ALKBH1: variants seen among roughly 807,000 people sequenced by gnomAD.
ALKBH1 encodes the protein nucleic acid dioxygenase ALKBH1.
A neutral mutation model predicts 36.6 loss-of-function variants in ALKBH1; 31 were observed. The observed-to-expected ratio is 0.85, with a 90% CI of 0.64 to 1.14. The LOEUF is 1.14. Ranked by LOEUF, ALKBH1 falls within the 50% of genes most tolerant of loss-of-function variation. ALKBH1 has a pLI of 0.00. For synonymous variants in ALKBH1, 183 were observed against 186.6 expected (o/e 0.98, Z 0.16); for missense variants, 490 against 497.3 (o/e 0.99, Z 0.14).
chr14:77,680,675 C>CTCTG (rs1555383642), intron 3 of ALKBH1, among the ~76,000 whole-genome samples: 4 of 56,076 alleles, frequency 7.1e-5, no homozygotes, highest in African/African-American at 3.4e-4. Flanking sequence ...TGATTAACTA[C>CTCTG]TCTTTTTTTT....
At chr14:77,684,505 G>A (rs1281426687) in intron 3 of ALKBH1, among the ~76,000 whole-genome samples, 3 of 152,040 alleles carry the variant, frequency 2.0e-5, no homozygotes, top group Admixed American at 6.6e-5. Flanking sequence ...TGGATTACAG[G>A]CATGCACCAC....
chr14:77,674,970 A>G (rs1280956884), intron 5 of ALKBH1, among the ~76,000 whole-genome samples: 1 of 152,132 alleles, frequency 6.6e-6, no homozygotes, highest in Admixed American at 6.6e-5. Flanking sequence ...GCAGGTGCAA[A>G]ACTTGGCACA....
chr14:77,705,308 G>A (rs901960609), intron 1 of ALKBH1, among the ~76,000 whole-genome samples: 4 of 151,442 alleles, frequency 2.6e-5, no homozygotes, highest in Admixed American at 2.0e-4. Flanking sequence ...AGCTACGAGA[G>A]GCTGGGGCAC....
chr14:77,693,206 C>CA lies in ALKBH1; in HGVS notation c.455+1531dup, dbSNP rs59132199. Among the ~76,000 whole-genome samples the CA allele has an allele frequency of 7.9e-3, 999 of 126,748 alleles. 16 individuals are homozygous for CA. Among genetic ancestry groups the CA allele is most frequent in the African/African-American group, 0.028 (934 of 33,702 alleles). 83.2% of individuals were successfully genotyped at this position (126,748 alleles called of 152,430 possible). On this transcript the variant is annotated intron_variant, in intron 3 of 5. Transcript: ENST00000216489. ...GGGCAACAAGAGCGAAACTCCGTCTCAAAAAAAAAAAAAAAAAATTTTTTT... is the reference window on the plus strand; with the variant it reads ...GGGCAACAAGAGCGAAACTCCGTCTCAAAAAAAAAAAAAAAAAAATTTTTTT...
chr14:77,696,245 G>A lies in ALKBH1; in HGVS notation c.293-1345C>T, dbSNP rs187906091. Among the ~76,000 whole-genome samples, 279 of 152,232 alleles carry A rather than the reference G, an allele frequency of 1.8e-3. 1 individual carries two copies. Among genetic ancestry groups the A allele is most frequent in the African/African-American group, 6.4e-3 (264 of 41,546 alleles). The stretch of plus-strand genomic sequence containing the variant: ...ATCCTGTTGCCCAGGCTGGAGAACA[G>A]TGGTGTGATCCTGCTTCTCTGCAAC... On this transcript the variant is annotated intron_variant, in intron 2 of 5. Transcript: ENST00000216489.
intron 3 of ALKBH1, chr14:77,691,931 A>G (rs1486098221): frequency 2.0e-5 from 3 of 152,204 alleles, no homozygotes; most frequent in African/African-American, 7.2e-5. Flanking sequence ...AGAAGACACT[A>G]CTAAAAGCTC....
intron 1 of ALKBH1, among the ~76,000 whole-genome samples, chr14:77,706,375 A>G (rs1432842667): frequency 1.3e-5 from 2 of 152,204 alleles, no homozygotes; most frequent in Admixed American, 6.5e-5. Context: ...ACACACTCTC[A>G]GAGGTGATGT....
At chr14:77,677,439 G>C (rs2139843659) in intron 4 of ALKBH1, among the ~76,000 whole-genome samples, 1 of 152,278 alleles carries the variant, frequency 6.6e-6, no homozygotes, top group African/African-American at 2.4e-5. Flanking sequence ...TGAATCTGAG[G>C]GCTATTTGGG....
intron 1 of ALKBH1, among the ~76,000 whole-genome samples, chr14:77,704,947 C>T (rs941091858): frequency 6.6e-6 from 1 of 152,204 alleles, no homozygotes; most frequent in African/African-American, 2.4e-5. Context: ...TGACATCATA[C>T]CTTTCCAACT....
At position 77,672,968 on chromosome 14, in the gene ALKBH1, G is replaced by C. The variant is rs1385332968; in HGVS notation, c.*844C>G. On this transcript the variant is annotated 3_prime_UTR_variant, in exon 6 of 6. Transcript: ENST00000216489. Reference sequence around the variant, plus strand: ...AACAGCTAGAGGGCTTCAATAGCATGAACAATACAGCAAAGAAAAACAGAA... The same window carrying C: ...AACAGCTAGAGGGCTTCAATAGCATCAACAATACAGCAAAGAAAAACAGAA... The C allele has an allele frequency of 6.6e-6, 1 of 151,890 alleles. No individual in the cohort carries two copies. Among genetic ancestry groups the C allele is most frequent in the Non-Finnish European group, 1.5e-5 (1 of 68,014 alleles). The allele number at this position is 151,890 out of a possible 1,614,324, so 9.4% of individuals were successfully genotyped here.
chr14:77,675,386 A>G (rs2080199462), intron 5 of ALKBH1, among the ~76,000 whole-genome samples: 1 of 151,966 alleles, frequency 6.6e-6, no homozygotes. Flanking sequence ...GTGAGCTGAG[A>G]TCAAGCCACT....
intron 4 of ALKBH1, among the ~76,000 whole-genome samples, chr14:77,679,143 G>GTT (rs1449791955): frequency 6.6e-6 from 1 of 152,012 alleles, no homozygotes; most frequent in Admixed American, 6.6e-5. Flanking sequence ...AAGTTCTTTT[G>GTT]TGAGTTGACG....
rs1012305127 is a variant in ALKBH1, at chr14:77,694,745, A to G, written c.448T>C (p.Phe150Leu). The change falls in exon 3 of 6, where the codon TTC (phenylalanine) becomes CTC (leucine). Residue 150 changes from phenylalanine (F) to leucine (L), a missense_variant. Transcript: ENST00000216489. ...CTGATTGACAAGACTTACCTCAGGAACTCTTTGCTCTGTTCCCACAGATCT... is the reference window on the plus strand; with the variant it reads ...CTGATTGACAAGACTTACCTCAGGAGCTCTTTGCTCTGTTCCCACAGATCT... ...TQDLWEQSKE[F>L]LRYKEATKRR... is the part of the protein sequence containing the mutation. 5 of 1,582,768 alleles carry G rather than the reference A, an allele frequency of 3.2e-6. No homozygotes were observed. The highest frequency in any genetic ancestry group is 1.9e-5 in the Admixed American group (1 of 53,878).
At chr14:77,682,783 C>T (rs1383800371) in intron 3 of ALKBH1, among the ~76,000 whole-genome samples, 3 of 152,072 alleles carry the variant, frequency 2.0e-5, no homozygotes, top group African/African-American at 2.4e-5. Flanking sequence ...CTGCAACCTC[C>T]GCCTCCCAGG....
intron 2 of ALKBH1, among the ~76,000 whole-genome samples, chr14:77,703,574 C>T (rs545440312): frequency 2.1e-5 from 3 of 143,226 alleles, no homozygotes; most frequent in Admixed American, 7.1e-5. Context: ...GGATTACAGG[C>T]GTGAGCTACT....
At chr14:77,683,502 G>T (rs2080250263) in intron 3 of ALKBH1, 2 of 687,180 alleles carry the variant, frequency 2.9e-6, no homozygotes, top group Non-Finnish European at 5.3e-6. Context: ...TTCCAGTTTT[G>T]CCATGGCAAC....
chr14:77,681,622 CAT>C, intron 3 of ALKBH1, among the ~76,000 whole-genome samples: 1 of 152,330 alleles, frequency 6.6e-6, no homozygotes, highest in Middle Eastern at 3.4e-3. Flanking sequence ...GCAGAAGAGA[CAT>C]AGCAGACTTG....
chr14:77,705,552 C>G (rs1047863036), intron 1 of ALKBH1, among the ~76,000 whole-genome samples: 1 of 152,138 alleles, frequency 6.6e-6, no homozygotes, highest in Non-Finnish European at 1.5e-5. Flanking sequence ...GATGAAATGT[C>G]CAACTGACGC....
At chr14:77,678,738 G>T (rs557113665) in intron 4 of ALKBH1, among the ~76,000 whole-genome samples, 4 of 152,090 alleles carry the variant, frequency 2.6e-5, no homozygotes, top group African/African-American at 9.7e-5. Context: ...AGAAGAAATC[G>T]TAGCTCAAGA....
Sources: allele counts gnomAD v4.1 joint callset (sites outside exome capture counted in the v4.1 genomes callset), GRCh38; gene constraint gnomAD v4.1.1; transcripts MANE v1.5; gene names NCBI Gene and HGNC (gene_info 2026-07-23, HGNC 2026-07-21).